DCAF6: variants seen among roughly 807,000 people sequenced by gnomAD.
The protein encoded by DCAF6 is DDB1 and CUL4 associated factor 6.
Under a neutral mutation model 125.1 loss-of-function variants are expected in DCAF6, and 54 were observed. That is an observed-to-expected ratio of 0.43 (90% CI 0.35 to 0.54). The LOEUF is 0.54. DCAF6 is among the 20% of genes least tolerant of loss of function. DCAF6 has a pLI of 0.01. For missense variants in DCAF6, 934 were observed against 1,161.7 expected (o/e 0.80, Z 2.85); for synonymous variants, 371 against 390.4 (o/e 0.95, Z 0.58).
At chr1:167,974,752 C>A in intron 3 of DCAF6, 78 bp from the exon 4 acceptor site, 1 of 1,105,870 alleles carries the variant, frequency 9.0e-7, no homozygotes, top group Non-Finnish European at 1.2e-6. Context: ...GAATGTATTA[C>A]TGGCTATGAT....
the DCAF6 span, among the ~76,000 whole-genome samples, chr1:167,930,221 A>G: frequency 2.9e-4 from 44 of 152,332 alleles, no homozygotes; most frequent in African/African-American, 1.0e-3. Flanking sequence ...AAAAATGTTG[A>G]CTGAAAATAC....
intron 3 of DCAF6, among the ~76,000 whole-genome samples, chr1:167,967,829 C>T (rs1676668015): frequency 6.8e-6 from 1 of 146,692 alleles, no homozygotes; most frequent in South Asian, 2.2e-4. Flanking sequence ...CTCCTGCGTT[C>T]AAGCGATTCT....
chr1:167,865,613 T>C, the DCAF6 span, among the ~76,000 whole-genome samples: 2 of 152,226 alleles, frequency 1.3e-5, no homozygotes, highest in African/African-American at 4.8e-5. Flanking sequence ...GTGTTTAGCT[T>C]TCTTTGGTCT....
At chr1:168,033,062 C>T (rs537236359) in intron 12 of DCAF6, among the ~76,000 whole-genome samples, 1 of 151,718 alleles carries the variant, frequency 6.6e-6, no homozygotes, top group Non-Finnish European at 1.5e-5. Context: ...CTTTGAGCAT[C>T]TTTTAGAACC....
chr1:168,015,323 TTC>T (rs766180586), intron 10 of DCAF6, among the ~76,000 whole-genome samples: 82 of 152,314 alleles, frequency 5.4e-4, no homozygotes, highest in Middle Eastern at 7.0e-3. Context: ...TCTCAATAAA[TTC>T]TGAGTTGTTT....
chr1:167,987,590 A>T lies in DCAF6; in HGVS notation c.534A>T (p.Thr178=). The stretch of plus-strand genomic sequence containing the variant: ...ATACACGCATCAAAACTAGCTGCAC[A>T]AAAGAAGATTGTAAAGATGTAAGAA... ...WFDTRIKTSC[T]KEDCKDDILI... Residue 178 remains threonine, a synonymous_variant, in exon 5 of 22, where the codon ACA becomes ACT. Transcript: ENST00000367840. 2 of 1,580,776 alleles carry T rather than the reference A, an allele frequency of 1.3e-6. No homozygotes were observed. The highest frequency in any genetic ancestry group is 1.7e-6 in the Non-Finnish European group (2 of 1,151,042).
chr1:168,065,043 T>G (rs1692149830), intron 18 of DCAF6, among the ~76,000 whole-genome samples: 1 of 152,232 alleles, frequency 6.6e-6, no homozygotes, highest in Non-Finnish European at 1.5e-5. Context: ...CATTGTCTTA[T>G]AAAGCTAAAT....
the DCAF6 span, among the ~76,000 whole-genome samples, chr1:167,898,806 C>T: frequency 9.7e-4 from 148 of 152,228 alleles, no homozygotes; most frequent in Admixed American, 1.7e-3. Flanking sequence ...CTTTCTGCCG[C>T]GTAGTCCCAT....
At chr1:168,013,354 G>C (rs189517301) in intron 10 of DCAF6, among the ~76,000 whole-genome samples, 47 of 152,288 alleles carry the variant, frequency 3.1e-4, no homozygotes, top group African/African-American at 1.1e-3. Flanking sequence ...CAAGAAATTA[G>C]TACCTGGCGT....
chr1:167,899,572 A>G, the DCAF6 span: 2 of 1,614,202 alleles, frequency 1.2e-6, 1 homozygote, highest in Non-Finnish European at 1.7e-6. Flanking sequence ...ATCACCAGAA[A>G]GTGGCTGTGT....
chr1:168,024,063 A>AT (rs1686009478), intron 12 of DCAF6: 1 of 151,588 alleles, frequency 6.6e-6, no homozygotes, highest in Admixed American at 6.6e-5. Context: ...AAAAAAAAAA[A>AT]TTAATTAGCT....
chr1:168,062,874 ATTT>A (rs1415339872), intron 17 of DCAF6, among the ~76,000 whole-genome samples: 5 of 150,462 alleles, frequency 3.3e-5, no homozygotes, highest in Admixed American at 2.6e-4. Context: ...AGAAGATGCT[ATTT>A]GAAGGCCCTT....
chr1:168,012,727 T>C (rs1262805256), intron 10 of DCAF6, among the ~76,000 whole-genome samples: 2 of 152,182 alleles, frequency 1.3e-5, no homozygotes, highest in African/African-American at 4.8e-5. Flanking sequence ...GAGCCTGATT[T>C]TGTTTTTAAT....
At chr1:168,034,573 A>T (rs547523528) in intron 12 of DCAF6, among the ~76,000 whole-genome samples, 7 of 152,258 alleles carry the variant, frequency 4.6e-5, no homozygotes, top group Non-Finnish European at 1.0e-4. Flanking sequence ...TATTGTTTTC[A>T]GTTCATCATC....
chr1:168,004,738 C>T lies in DCAF6; in HGVS notation c.1323C>T (p.Asp441=), dbSNP rs1060041. The change falls in exon 10 of 22, where the codon GAC becomes GAT. Residue 441 remains aspartate, a synonymous_variant. Coordinates refer to ENST00000367840, the MANE Select transcript of DCAF6 (RefSeq NM_001198956.2). ...PHSTPLLSSP[D]SEQRQSVEAS... ...CTACTCCTTTGCTATCTTCTCCAGA[C>T]AGTGAACAAAGGCAGTCTGTTGAGG... The T allele has an allele frequency of 0.24, 382,962 of 1,613,710 alleles. 48,898 individuals carry two copies. Among genetic ancestry groups the T allele is most frequent in the Admixed American group, 0.44 (26,566 of 59,970 alleles).
chr1:167,994,007 A>G (rs1422927134), intron 7 of DCAF6, among the ~76,000 whole-genome samples: 1 of 152,048 alleles, frequency 6.6e-6, no homozygotes, highest in Admixed American at 6.6e-5. Flanking sequence ...ATAGTTAGTA[A>G]TTAGTTACTA....
chr1:168,031,738 A>T (rs1173876614), intron 12 of DCAF6, among the ~76,000 whole-genome samples: 2 of 152,142 alleles, frequency 1.3e-5, no homozygotes, highest in Non-Finnish European at 2.9e-5. Flanking sequence ...ACCTGAGGAA[A>T]CAGTCATGAA....
intron 21 of DCAF6, among the ~76,000 whole-genome samples, chr1:168,072,294 T>TTAAA (rs1693164135): frequency 9.8e-5 from 4 of 41,016 alleles, no homozygotes; most frequent in African/African-American, 1.6e-4. Context: ...AGAATCAGTC[T>TTAAA]AAAAAAAAAA....
chr1:167,994,646 G>A (rs1426563317), intron 7 of DCAF6, among the ~76,000 whole-genome samples: 1 of 152,170 alleles, frequency 6.6e-6, no homozygotes, highest in Non-Finnish European at 1.5e-5. Context: ...AAGGGGAAAA[G>A]TAGAAATAAG....
Sources: allele counts gnomAD v4.1 joint callset (sites outside exome capture counted in the v4.1 genomes callset), GRCh38; gene constraint gnomAD v4.1.1; transcripts MANE v1.5; gene names NCBI Gene and HGNC (gene_info 2026-07-23, HGNC 2026-07-21).